The following CNTN4 variants were observed in gnomAD, a reference collection of about 807,000 sequenced individuals.
CNTN4 encodes contactin-4.
A neutral mutation model predicts 122.5 loss-of-function variants in CNTN4; 77 were observed. That is an observed-to-expected ratio of 0.63 (90% CI 0.52 to 0.76). CNTN4 has a LOEUF of 0.76. Among genes scored for constraint, CNTN4 ranks in the 30% least tolerant of loss-of-function variants. The pLI is 0.00. For synonymous variants in CNTN4, 512 were observed against 447.0 expected, an observed-to-expected ratio of 1.15 and a Z score of -1.83; for missense variants, 1,256 against 1,259.1, an observed-to-expected ratio of 1.00 and a Z score of 0.04.
chr3:2,658,837 C>G (rs1467410381), intron 4 of CNTN4, among the ~76,000 whole-genome samples: 2 of 151,966 alleles, frequency 1.3e-5, no homozygotes, highest in African/African-American at 2.4e-5. Flanking sequence ...CACTCTATCT[C>G]CAATAGAGCA....
At chr3:2,541,064 A>C (rs79830809) in intron 3 of CNTN4, among the ~76,000 whole-genome samples, 4,984 of 152,262 alleles carry the variant, frequency 0.033, 299 homozygotes, top group African/African-American at 0.11. Context: ...CTTATCTCCA[A>C]GTCTAATCTC....
intron 3 of CNTN4, among the ~76,000 whole-genome samples, chr3:2,540,739 T>A (rs1328138350): frequency 1.3e-5 from 2 of 152,146 alleles, no homozygotes; most frequent in Non-Finnish European, 2.9e-5. Context: ...TACAATTTTT[T>A]AACAATGCTT....
At chr3:2,683,434 A>G (rs2085269679) in intron 4 of CNTN4, among the ~76,000 whole-genome samples, 1 of 147,202 alleles carries the variant, frequency 6.8e-6, no homozygotes, top group African/African-American at 2.6e-5. Context: ...CAATGATAGA[A>G]TTACATGCTT....
chr3:2,793,491 G>A (rs1024051932), intron 6 of CNTN4, among the ~76,000 whole-genome samples: 2 of 151,946 alleles, frequency 1.3e-5, no homozygotes, highest in South Asian at 2.1e-4. Flanking sequence ...CCTTAATTAC[G>A]GATGTTTGCC....
chr3:2,627,269 A>G (rs931408918), intron 4 of CNTN4, among the ~76,000 whole-genome samples: 8 of 152,172 alleles, frequency 5.3e-5, no homozygotes, highest in Non-Finnish European at 1.0e-4. Context: ...TAGTTTTTAA[A>G]TGGATTTTGC....
intron 2 of CNTN4, among the ~76,000 whole-genome samples, chr3:2,172,399 G>A (rs1208647078): frequency 6.6e-6 from 1 of 152,074 alleles, no homozygotes; most frequent in Non-Finnish European, 1.5e-5. Flanking sequence ...GGGGACTTGA[G>A]GGGAAGGGTG....
intron 8 of CNTN4, among the ~76,000 whole-genome samples, chr3:2,874,447 G>C (rs549488075): frequency 6.6e-6 from 1 of 152,290 alleles, no homozygotes; most frequent in East Asian, 1.9e-4. Flanking sequence ...CTAGAATTGA[G>C]TTGACTTGGG....
intron 2 of CNTN4, among the ~76,000 whole-genome samples, chr3:2,209,371 A>G (rs150498867): frequency 6.6e-6 from 1 of 152,304 alleles, no homozygotes; most frequent in East Asian, 1.9e-4. Context: ...CTTGGGAAAT[A>G]TAATCAAGTT....
At chr3:2,301,739 T>G (rs149657179) in intron 2 of CNTN4, among the ~76,000 whole-genome samples, 127 of 152,328 alleles carry the variant, frequency 8.3e-4, no homozygotes, top group African/African-American at 3.0e-3. Context: ...CCCACTCTAG[T>G]AGAGCACTCA....
chr3:2,617,419 C>CCTTT (rs749859960), intron 4 of CNTN4, among the ~76,000 whole-genome samples: 2 of 108,528 alleles, frequency 1.8e-5, no homozygotes, highest in African/African-American at 3.6e-5. Context: ...AGAGAAATGC[C>CCTTT]TTTTTTTTTT....
intron 2 of CNTN4, among the ~76,000 whole-genome samples, chr3:2,198,850 C>G (rs939352927): frequency 1.6e-4 from 24 of 152,154 alleles, no homozygotes; most frequent in African/African-American, 5.5e-4. Context: ...ACAAAAGATA[C>G]TAGTTTTATG....
chr3:2,261,881 G>A (rs895664650), intron 2 of CNTN4, among the ~76,000 whole-genome samples: 14 of 152,100 alleles, frequency 9.2e-5, no homozygotes, highest in African/African-American at 3.1e-4. Flanking sequence ...TGTTGAAAGC[G>A]ATTTTATTGT....
intron 3 of CNTN4, among the ~76,000 whole-genome samples, chr3:2,536,386 TATTTGA>T (rs1177470869): frequency 3.3e-5 from 5 of 152,156 alleles, no homozygotes; most frequent in African/African-American, 1.2e-4. Flanking sequence ...CTGGTGGTGA[TATTTGA>T]CTTCATATAC....
chr3:3,044,678 G>C (rs755819008), intron 23 of CNTN4, among the ~76,000 whole-genome samples: 1 of 152,206 alleles, frequency 6.6e-6, no homozygotes, highest in Admixed American at 6.5e-5. Flanking sequence ...AGCTCCCAGC[G>C]TGAGCAACGC....
chr3:2,707,455 G>C (rs1318025025), intron 4 of CNTN4, among the ~76,000 whole-genome samples: 1 of 152,152 alleles, frequency 6.6e-6, no homozygotes, highest in Non-Finnish European at 1.5e-5. Flanking sequence ...GGGTAGTACA[G>C]ATAGCTGCAT....
intron 3 of CNTN4, among the ~76,000 whole-genome samples, chr3:2,503,134 G>C (rs1326635764): frequency 6.6e-6 from 1 of 152,126 alleles, no homozygotes; most frequent in Admixed American, 6.5e-5. Context: ...TTGTGCCCAA[G>C]TATCATTTGA....
chr3:2,254,591 C>T (rs558918083), intron 2 of CNTN4, among the ~76,000 whole-genome samples: 10 of 152,042 alleles, frequency 6.6e-5, no homozygotes, highest in African/African-American at 1.2e-4. Context: ...ATCTAACTGG[C>T]GTGAGATGGT....
intron 3 of CNTN4, among the ~76,000 whole-genome samples, chr3:2,463,758 C>CAA (rs11417358): frequency 5.3e-5 from 8 of 151,136 alleles, no homozygotes; most frequent in Non-Finnish European, 1.0e-4. Flanking sequence ...AACTCCGTCT[C>CAA]AAAAAAAATA....
At chr3:2,194,450 G>C (rs1463717145) in intron 2 of CNTN4, among the ~76,000 whole-genome samples, 1 of 152,104 alleles carries the variant, frequency 6.6e-6, no homozygotes, top group African/African-American at 2.4e-5. Context: ...GACAGAGTGA[G>C]ACCCCATGTC....
Sources: allele counts gnomAD v4.1 joint callset (sites outside exome capture counted in the v4.1 genomes callset), GRCh38; gene constraint gnomAD v4.1.1; transcripts MANE v1.5; gene names NCBI Gene and HGNC (gene_info 2026-07-23, HGNC 2026-07-21).